The following MIPOL1 variants were observed in gnomAD, a reference collection of about 807,000 sequenced individuals.
MIPOL1 encodes mirror-image polydactyly gene 1 protein.
Under a neutral mutation model 60.9 loss-of-function variants are expected in MIPOL1, and 57 were observed. The observed-to-expected ratio is 0.94, with a 90% CI of 0.76 to 1.17. The LOEUF is 1.17. Among genes scored for constraint, MIPOL1 ranks in the 50% most tolerant of loss-of-function variants. The pLI, the probability that MIPOL1 is intolerant of heterozygous loss-of-function variation, is 0.00. For synonymous variants in MIPOL1, 179 were observed against 168.8 expected (o/e 1.06, Z -0.47); for missense variants, 551 against 511.6 (o/e 1.08, Z -0.74).
chr14:37,458,104 T>C (rs189894460), intron 11 of MIPOL1, among the ~76,000 whole-genome samples: 2 of 151,946 alleles, frequency 1.3e-5, no homozygotes, highest in African/African-American at 4.8e-5. Context: ...TATATAATAA[T>C]AAAGAGTTCA....
intron 11 of MIPOL1, among the ~76,000 whole-genome samples, chr14:37,426,570 CATATATATAT>C (rs68123796): frequency 6.9e-4 from 59 of 85,540 alleles, no homozygotes; most frequent in African/African-American, 2.3e-3. Flanking sequence ...TCAAAATATA[CATATATATAT>C]ATATATATAT....
chr14:37,516,188 C>T (rs568138910), intron 12 of MIPOL1, among the ~76,000 whole-genome samples: 6 of 152,216 alleles, frequency 3.9e-5, no homozygotes, highest in Non-Finnish European at 7.4e-5. Flanking sequence ...GATTTAATAA[C>T]GTAAAGATGT....
At chr14:37,351,457 A>C (rs1404291201) in intron 9 of MIPOL1, among the ~76,000 whole-genome samples, 1 of 151,916 alleles carries the variant, frequency 6.6e-6, no homozygotes, top group Non-Finnish European at 1.5e-5. Flanking sequence ...TGGTATTTCC[A>C]GTTCTAGATC....
At chr14:37,335,350 A>G (rs947992131) in intron 9 of MIPOL1, among the ~76,000 whole-genome samples, 3 of 152,054 alleles carry the variant, frequency 2.0e-5, no homozygotes, top group African/African-American at 7.2e-5. Context: ...ATCACCATCC[A>G]TCCATATCCA....
intron 11 of MIPOL1, among the ~76,000 whole-genome samples, chr14:37,455,890 A>G (rs1303944381): frequency 2.0e-5 from 3 of 152,112 alleles, no homozygotes; most frequent in Non-Finnish European, 4.4e-5. Context: ...TGTGATGTCA[A>G]TAATCTCCTT....
chr14:37,407,064 G>A (rs542078249), intron 10 of MIPOL1, among the ~76,000 whole-genome samples: 36 of 152,168 alleles, frequency 2.4e-4, no homozygotes, highest in Non-Finnish European at 4.6e-4. Flanking sequence ...AATGGTTCAA[G>A]ACAAATATTT....
chr14:37,261,477 T>A (rs1378675657), intron 3 of MIPOL1, among the ~76,000 whole-genome samples: 2 of 152,010 alleles, frequency 1.3e-5, no homozygotes, highest in Non-Finnish European at 2.9e-5. Context: ...TTCAGGAAAT[T>A]GAGAAAATTT....
At chr14:37,264,455 A>G (rs372776381) in intron 3 of MIPOL1, among the ~76,000 whole-genome samples, 13 of 149,650 alleles carry the variant, frequency 8.7e-5, no homozygotes, top group African/African-American at 2.5e-4. Flanking sequence ...GCAAGACCCC[A>G]TCTCTGAAAA....
At chr14:37,448,235 A>G (rs540081235) in intron 11 of MIPOL1, among the ~76,000 whole-genome samples, 2 of 152,294 alleles carry the variant, frequency 1.3e-5, no homozygotes, top group Admixed American at 6.5e-5. Context: ...TCTTCCTTTA[A>G]AGGGAGTCTC....
chr14:37,263,092 G>T (rs2082624803), intron 3 of MIPOL1, among the ~76,000 whole-genome samples: 1 of 152,136 alleles, frequency 6.6e-6, no homozygotes, highest in African/African-American at 2.4e-5. Context: ...ATTATCTGAA[G>T]AATTGAACTC....
At chr14:37,392,561 T>G (rs1278681824) in intron 10 of MIPOL1, among the ~76,000 whole-genome samples, 2 of 152,172 alleles carry the variant, frequency 1.3e-5, no homozygotes, top group African/African-American at 4.8e-5. Flanking sequence ...TTAGGTATAT[T>G]AAATAATAGT....
chr14:37,265,111 A>G lies in MIPOL1; in HGVS notation c.20-1827A>G, dbSNP rs906125139. On this transcript the variant is annotated intron_variant, in intron 3 of 12. Coordinates refer to ENST00000684589, the MANE Select transcript of MIPOL1 (RefSeq NM_001388067.1). Reference sequence around the variant, plus strand: ...CAAGAAATGTCTCTTCATTTTTCCTAAATTTATTTCTTCTCCTCTATATCT... The same window carrying G: ...CAAGAAATGTCTCTTCATTTTTCCTGAATTTATTTCTTCTCCTCTATATCT... 3 of 152,122 alleles carry G rather than the reference A, an allele frequency of 2.0e-5. No individual in the cohort carries two copies. The East Asian group carries it at 5.8e-4, about 29-fold the overall frequency. The allele number at this position is 152,122 out of a possible 1,614,324, so 9.4% of individuals were successfully genotyped here.
At chr14:37,319,756 G>C (rs1371733138) in intron 9 of MIPOL1, among the ~76,000 whole-genome samples, 1 of 152,134 alleles carries the variant, frequency 6.6e-6, no homozygotes, top group Non-Finnish European at 1.5e-5. Flanking sequence ...TCCTGATCAA[G>C]ATATGGAACA....
intron 7 of MIPOL1, among the ~76,000 whole-genome samples, chr14:37,290,146 T>G (rs1255809050): frequency 6.6e-6 from 1 of 152,192 alleles, no homozygotes; most frequent in Non-Finnish European, 1.5e-5. Flanking sequence ...TGTAAAAATG[T>G]TACTCGCTTG....
Position 37,268,672 on chromosome 14 carries a change from G to T in MIPOL1, c.266G>T (p.Arg89Ile). The T allele has an allele frequency of 6.3e-7, 1 of 1,589,420 alleles. No homozygotes were observed. Among genetic ancestry groups the T allele is most frequent in the Non-Finnish European group, 8.6e-7 (1 of 1,168,118 alleles). Residue 89 changes from arginine to isoleucine, a missense_variant, in exon 5 of 13, where the codon AGA (arginine) becomes ATA (isoleucine). Transcript: ENST00000684589. ...CTTTATTACAGCGTTATGGAACATA[G>T]ACATAATGATATGCATTATGAATGT... ...TTEKYNVMEH[R>I]HNDMHYECMT...
At position 37,255,674 on chromosome 14, in the gene MIPOL1, G is replaced by A. The variant is rs1002969289; in HGVS notation, c.19+7767G>A. Among the ~76,000 whole-genome samples, 3 of 151,782 alleles carry A rather than the reference G, an allele frequency of 2.0e-5. No homozygotes were observed. The South Asian group carries it at 6.2e-4, about 32-fold the overall frequency. ...TAGGGAATATGAAAAAACAAATTTA[G>A]AGCAAGTCAGGCTTCAAAATTTTGA... On this transcript the variant is annotated intron_variant, in intron 3 of 12. Transcript: ENST00000684589.
chr14:37,216,946 G>A (rs1162832951), intron 1 of MIPOL1, among the ~76,000 whole-genome samples: 1 of 152,084 alleles, frequency 6.6e-6, no homozygotes, highest in East Asian at 1.9e-4. Context: ...AGAAATAAAT[G>A]AAATTTTAAT....
At chr14:37,435,248 A>C (rs1311310356) in intron 11 of MIPOL1, among the ~76,000 whole-genome samples, 2 of 152,090 alleles carry the variant, frequency 1.3e-5, no homozygotes, top group Non-Finnish European at 2.9e-5. Context: ...TAGGTTCCTT[A>C]ATAACTCAAA....
intron 11 of MIPOL1, among the ~76,000 whole-genome samples, chr14:37,434,256 T>C (rs2094126416): frequency 6.6e-6 from 1 of 152,194 alleles, no homozygotes; most frequent in Non-Finnish European, 1.5e-5. Context: ...CTGACTGTGG[T>C]TTTGATTTGC....
Sources: gnomAD v4.1 joint callset for allele counts (sites outside exome capture counted in the v4.1 genomes callset) on GRCh38, gnomAD v4.1.1 for gene constraint, MANE v1.5 for transcripts, NCBI Gene and HGNC (gene_info 2026-07-23, HGNC 2026-07-21) for gene names.